The following ROBO1 variants were observed in gnomAD, a reference collection of about 807,000 sequenced individuals.
ROBO1 encodes roundabout guidance receptor 1.
In ROBO1, 149 loss-of-function variants were observed where a neutral mutation model predicts 195.9. That is an observed-to-expected ratio of 0.76 (90% CI 0.67 to 0.87). The LOEUF (loss-of-function observed/expected upper bound fraction) is 0.87, where lower values mean the gene tolerates loss of function less well. Ranked by LOEUF, ROBO1 falls within the 40% of genes least tolerant of loss-of-function variation. The pLI, the probability that ROBO1 is intolerant of heterozygous loss-of-function variation, is 0.00. For synonymous variants in ROBO1, 816 were observed against 733.2 expected (o/e 1.11, Z -1.82); for missense variants, 1,933 against 2,068.3 (o/e 0.93, Z 1.27).
intron 2 of ROBO1, among the ~76,000 whole-genome samples, chr3:79,164,852 C>T (rs1413762291): frequency 6.6e-6 from 1 of 152,148 alleles, no homozygotes; most frequent in Non-Finnish European, 1.5e-5. Flanking sequence ...TAGCTAGAAG[C>T]ACTTTCTCCA....
intron 2 of ROBO1, among the ~76,000 whole-genome samples, chr3:79,387,555 T>G (rs1292248850): frequency 6.6e-6 from 1 of 151,798 alleles, no homozygotes; most frequent in Non-Finnish European, 1.5e-5. Context: ...CAAGTCTTTT[T>G]AAAAAGGGCT....
At chr3:78,954,073 C>G (rs1249807546) in intron 3 of ROBO1, among the ~76,000 whole-genome samples, 1 of 151,922 alleles carries the variant, frequency 6.6e-6, no homozygotes, top group Admixed American at 6.6e-5. Flanking sequence ...GAGCATTCAA[C>G]TTAAAATAAT....
At chr3:79,129,500 A>C (rs2080283572) in intron 2 of ROBO1, among the ~76,000 whole-genome samples, 1 of 152,150 alleles carries the variant, frequency 6.6e-6, no homozygotes, top group Admixed American at 6.6e-5. Context: ...ATATATAATA[A>C]CAGCAACAAC....
At chr3:79,489,498 T>C (rs1270742575) in intron 2 of ROBO1, among the ~76,000 whole-genome samples, 1 of 151,442 alleles carries the variant, frequency 6.6e-6, no homozygotes, top group Non-Finnish European at 1.5e-5. Flanking sequence ...TAATAAAAAT[T>C]ACAAAAATTA....
intron 2 of ROBO1, among the ~76,000 whole-genome samples, chr3:79,395,825 C>G (rs975147742): frequency 1.3e-5 from 2 of 151,884 alleles, no homozygotes; most frequent in African/African-American, 2.4e-5. Flanking sequence ...ATATAACTAA[C>G]CCTCTCTCAA....
At chr3:79,237,297 A>ACGC (rs1382396397) in intron 2 of ROBO1, among the ~76,000 whole-genome samples, 1 of 152,050 alleles carries the variant, frequency 6.6e-6, no homozygotes, top group Non-Finnish European at 1.5e-5. Context: ...CCCTGCTAAC[A>ACGC]CGTTGAAACT....
rs143049255 is a variant in ROBO1, at chr3:78,923,429, T to C, written c.499+15172A>G. On this transcript the variant is annotated intron_variant, in intron 4 of 30. Transcript: ENST00000464233. ...AAAGGGACTGATTAATATCTTCCCT[T>C]TCCCCAGGACCAGAGTGACTGTCCA... is the stretch of plus-strand genomic sequence containing the variant. Among the ~76,000 whole-genome samples, 310 of 152,242 alleles carry C rather than the reference T, an allele frequency of 2.0e-3. 1 individual carries two copies. Among genetic ancestry groups the C allele is most frequent in the African/African-American group, 7.2e-3 (298 of 41,544 alleles).
At chr3:79,694,788 G>A (rs1947394720) in intron 1 of ROBO1, among the ~76,000 whole-genome samples, 1 of 151,514 alleles carries the variant, frequency 6.6e-6, no homozygotes, top group African/African-American at 2.4e-5. Flanking sequence ...CAAGTGTGCA[G>A]AAATAAAATC....
At chr3:78,782,507 A>C (rs1293239815) in intron 4 of ROBO1, among the ~76,000 whole-genome samples, 1 of 151,948 alleles carries the variant, frequency 6.6e-6, no homozygotes, top group African/African-American at 2.4e-5. Flanking sequence ...CATAAATTGA[A>C]ATTCTTAATG....
intron 1 of ROBO1, among the ~76,000 whole-genome samples, chr3:79,614,921 T>A (rs1261431056): frequency 1.3e-5 from 2 of 152,094 alleles, no homozygotes; most frequent in African/African-American, 2.4e-5. Flanking sequence ...ATAAAGAGTC[T>A]TATGTGGAAA....
chr3:79,647,909 T>G (rs545859764), intron 1 of ROBO1, among the ~76,000 whole-genome samples: 39 of 152,272 alleles, frequency 2.6e-4, no homozygotes, highest in South Asian at 1.9e-3. Context: ...CTTTGAAAAA[T>G]GTGTGTCTAG....
At chr3:78,617,520 A>AAC in intron 27 of ROBO1, 115 bp downstream of exon 27, 4 of 1,146,170 alleles carry the variant, frequency 3.5e-6, no homozygotes, top group Non-Finnish European at 4.7e-6. Context: ...AAAAAAAAAA[A>AAC]ACTGTAAGAA....
chr3:78,769,617 G>A, intron 4 of ROBO1, among the ~76,000 whole-genome samples: 1 of 72,942 alleles, frequency 1.4e-5, no homozygotes, highest in Middle Eastern at 0.013. Context: ...AGTGTACTTT[G>A]GTTTTTTTTT....
At chr3:78,639,172 T>C (rs985019613) in intron 22 of ROBO1, among the ~76,000 whole-genome samples, 1 of 151,908 alleles carries the variant, frequency 6.6e-6, no homozygotes, top group Non-Finnish European at 1.5e-5. Flanking sequence ...TAAATACTTT[T>C]ATGGCTGGGC....
intron 4 of ROBO1, among the ~76,000 whole-genome samples, chr3:78,823,583 G>T (rs1302498121): frequency 6.6e-6 from 1 of 152,182 alleles, no homozygotes; most frequent in African/African-American, 2.4e-5. Flanking sequence ...TGCAAGAAGA[G>T]GACATGCCCT....
chr3:79,267,691 AC>A (rs2030112980), intron 2 of ROBO1, among the ~76,000 whole-genome samples: 2 of 151,492 alleles, frequency 1.3e-5, no homozygotes, highest in African/African-American at 4.8e-5. Context: ...ATGCAAAACA[AC>A]AGACTGATTA....
chr3:79,363,948 T>C (rs2035865740), intron 2 of ROBO1, among the ~76,000 whole-genome samples: 1 of 152,102 alleles, frequency 6.6e-6, no homozygotes. Context: ...AAGGTGCCTG[T>C]AATCCCAGCA....
intron 2 of ROBO1, among the ~76,000 whole-genome samples, chr3:79,504,853 C>G (rs1037152852): frequency 6.6e-6 from 1 of 151,884 alleles, no homozygotes. Flanking sequence ...GTGTGTGTAT[C>G]TTTCTATGTG....
chr3:79,120,897 G>T (rs1248364310), intron 3 of ROBO1, among the ~76,000 whole-genome samples: 3 of 152,044 alleles, frequency 2.0e-5, no homozygotes, highest in African/African-American at 2.4e-5. Context: ...GTAAGATAAT[G>T]GGAAAAATGA....
Sources: allele counts gnomAD v4.1 joint callset (sites outside exome capture counted in the v4.1 genomes callset), GRCh38; gene constraint gnomAD v4.1.1; transcripts MANE v1.5; gene names NCBI Gene and HGNC (gene_info 2026-07-23, HGNC 2026-07-21).